SSBP2: variants seen among roughly 807,000 people sequenced by gnomAD.
The protein encoded by SSBP2 is single stranded DNA binding protein 2, also known as single-stranded DNA-binding protein 2.
A neutral mutation model predicts 61.8 loss-of-function variants in SSBP2; 17 were observed. That is an observed-to-expected ratio of 0.28 (90% CI 0.19 to 0.41). The LOEUF is 0.41. Among genes scored for constraint, SSBP2 ranks in the 10% least tolerant of loss-of-function variants. The pLI is 1.00. For synonymous variants in SSBP2, 139 were observed against 141.3 expected (o/e 0.98, Z 0.12); for missense variants, 310 against 458.7 (o/e 0.68, Z 2.96).
chr5:81,434,906 G>C (rs1762578951), intron 15 of SSBP2, among the ~76,000 whole-genome samples: 1 of 152,114 alleles, frequency 6.6e-6, no homozygotes, highest in African/African-American at 2.4e-5. Context: ...GTGGAAAGAG[G>C]CAGGGAGAGA....
intron 2 of SSBP2, among the ~76,000 whole-genome samples, chr5:81,642,959 T>C (rs1748920395): frequency 6.6e-6 from 1 of 152,196 alleles, no homozygotes; most frequent in Non-Finnish European, 1.5e-5. Context: ...TCTGGCAAGG[T>C]ATACTGGTCA....
intron 12 of SSBP2, 179 bp from the exon 13 acceptor site, chr5:81,442,902 T>C: frequency 2.4e-6 from 1 of 408,824 alleles, no homozygotes; most frequent in Non-Finnish European, 4.4e-6. Flanking sequence ...AAAATTGTCA[T>C]TCTGAGGTCA....
intron 5 of SSBP2, among the ~76,000 whole-genome samples, chr5:81,493,304 T>C (rs763170627): frequency 1.3e-4 from 17 of 131,684 alleles, no homozygotes; most frequent in Non-Finnish European, 2.3e-4. Flanking sequence ...ATAGATAGAT[T>C]AACAGGGTCT....
At position 81,426,206 on chromosome 5, in the gene SSBP2, T is replaced by G. The variant is rs570398740; in HGVS notation, c.1056+2379A>C. The stretch of plus-strand genomic sequence containing the variant: ...CTTTCTTCCTCTCTCCTCTTATTGC[T>G]TGATTTTATAAAAAGATCTAAACAA... On this transcript the variant is annotated intron_variant, in intron 16 of 16. Transcript: ENST00000320672. Among the ~76,000 whole-genome samples, 3 of 152,348 alleles carry G rather than the reference T, an allele frequency of 2.0e-5. No individual in the cohort carries two copies. In the South Asian group the frequency reaches 6.2e-4, roughly 32 times the overall value.
At chr5:81,545,714 C>A (rs963737210) in intron 4 of SSBP2, among the ~76,000 whole-genome samples, 4 of 152,104 alleles carry the variant, frequency 2.6e-5, no homozygotes, top group Admixed American at 1.3e-4. Context: ...CAAGTACTAA[C>A]CCTTGTATAA....
intron 4 of SSBP2, among the ~76,000 whole-genome samples, chr5:81,584,816 A>G (rs1328990030): frequency 6.6e-6 from 1 of 152,152 alleles, no homozygotes; most frequent in East Asian, 1.9e-4. Context: ...TATGTTAAGT[A>G]TATGCCTAAT....
In SSBP2 at chr5:81,650,348, CAAAT is replaced by C; in HGVS notation, c.63-13_63-10del. 6.6e-7 allele frequency: 1 copy of C among 1,523,482 alleles called. No homozygotes were observed. The highest frequency in any genetic ancestry group is 8.8e-7 in the Non-Finnish European group (1 of 1,130,662). The allele number at this position is 1,523,482 out of a possible 1,614,324, so 94.4% of individuals were successfully genotyped here. A position where few individuals can be genotyped will look rare whatever the true frequency, so the allele number is the denominator to read the frequency against. On this transcript the variant is annotated splice_polypyrimidine_tract_variant and intron_variant, in intron 1 of 16. Transcript: ENST00000320672. ...ATACGTAGAGTGCTAACCTGGAAAA[CAAAT>C]AAAATATTTATTGAGAAGAGGAATA...
chr5:81,423,041 A>G (rs1371002136), intron 16 of SSBP2, among the ~76,000 whole-genome samples: 1 of 152,262 alleles, frequency 6.6e-6, no homozygotes, highest in Non-Finnish European at 1.5e-5. Context: ...GCAAGAATAA[A>G]TAAAAAGAAA....
At chr5:81,641,370 TATC>T (rs1351014376) in intron 2 of SSBP2, among the ~76,000 whole-genome samples, 1 of 152,238 alleles carries the variant, frequency 6.6e-6, no homozygotes, top group Non-Finnish European at 1.5e-5. Flanking sequence ...GCATCACATA[TATC>T]ATCATTTCAT....
chr5:81,581,259 C>T (rs1056930244), intron 4 of SSBP2, among the ~76,000 whole-genome samples: 1 of 152,112 alleles, frequency 6.6e-6, no homozygotes, highest in African/African-American at 2.4e-5. Flanking sequence ...TAACCATGAG[C>T]ATATAATCCC....
chr5:81,435,083 C>T (rs186011691), intron 15 of SSBP2, among the ~76,000 whole-genome samples: 70 of 152,180 alleles, frequency 4.6e-4, no homozygotes, highest in Non-Finnish European at 6.6e-4. Context: ...AAATGAGATG[C>T]GTAGGAACTC....
intron 4 of SSBP2, among the ~76,000 whole-genome samples, chr5:81,591,060 TCAGA>T (rs1467860174): frequency 2.0e-5 from 3 of 152,196 alleles, no homozygotes; most frequent in African/African-American, 7.2e-5. Flanking sequence ...GCATTCAGCT[TCAGA>T]CAGAGGGGCA....
At chr5:81,555,444 C>T (rs1772519728) in intron 4 of SSBP2, among the ~76,000 whole-genome samples, 1 of 152,004 alleles carries the variant, frequency 6.6e-6, no homozygotes, top group Admixed American at 6.6e-5. Flanking sequence ...ATTAAAGACA[C>T]CAAATGTGTC....
At chr5:81,729,571 G>C (rs1321349927) in intron 1 of SSBP2, among the ~76,000 whole-genome samples, 1 of 152,098 alleles carries the variant, frequency 6.6e-6, no homozygotes, top group Non-Finnish European at 1.5e-5. Context: ...ACCATGCCAT[G>C]AACTGAGGAG....
At chr5:81,474,646 G>T in intron 6 of SSBP2, 84 bp from the exon 7 acceptor site, 1 of 945,916 alleles carries the variant, frequency 1.1e-6, no homozygotes, top group Non-Finnish European at 1.5e-6. Context: ...TTAAATGCTT[G>T]TATGATAATT....
chr5:81,416,265 C>G lies in SSBP2; in HGVS notation c.*4239G>C, dbSNP rs962392920. 2.0e-5 allele frequency: 3 copies of G among 149,624 alleles called. No individual in the cohort carries two copies. The highest frequency in any genetic ancestry group is 7.4e-5 in the African/African-American group (3 of 40,692). The allele number at this position is 149,624 out of a possible 1,614,324, so 9.3% of individuals were successfully genotyped here. On this transcript the variant is annotated 3_prime_UTR_variant, in exon 17 of 17. Coordinates refer to ENST00000320672, the MANE Select transcript of SSBP2 (RefSeq NM_012446.5). ...AAAAAAAGGAAAACCAGTGTCAAAA[C>G]ACTAAAATGCATTCCAAAATCAAAA...
chr5:81,498,798 A>G (rs1374720766), intron 5 of SSBP2, among the ~76,000 whole-genome samples: 7 of 152,130 alleles, frequency 4.6e-5, no homozygotes, highest in African/African-American at 1.7e-4. Flanking sequence ...AGTATTAAAT[A>G]AATAATATTG....
chr5:81,514,468 A>G (rs1168719661), intron 4 of SSBP2, among the ~76,000 whole-genome samples: 3 of 152,136 alleles, frequency 2.0e-5, no homozygotes, highest in African/African-American at 4.8e-5. Context: ...TCAACATTAT[A>G]GATTTAATAC....
rs1472859679 is a variant in SSBP2 at position 81,690,473 on chromosome 5, T to A, written c.63-40134A>T. Among the ~76,000 whole-genome samples the A allele has an allele frequency of 4.6e-5, 7 of 151,922 alleles. No homozygotes were observed. The East Asian group carries it at 1.3e-3, about 29-fold the overall frequency. On this transcript the variant is annotated intron_variant, in intron 1 of 16. Transcript: ENST00000320672. ...CTATGCGTATATCAGACAAAACAGA[T>A]TTCAAGACAAAGAAGGCCATTATAT... is the stretch of plus-strand genomic sequence containing the variant.
Sources: allele counts gnomAD v4.1 joint callset (sites outside exome capture counted in the v4.1 genomes callset), GRCh38; gene constraint gnomAD v4.1.1; transcripts MANE v1.5; gene names NCBI Gene and HGNC (gene_info 2026-07-23, HGNC 2026-07-21).